The following TBC1D32 variants were observed in gnomAD, a reference collection of about 807,000 sequenced individuals.
TBC1D32 encodes the protein protein broad-minded.
In TBC1D32, 151 loss-of-function variants were observed where a neutral mutation model predicts 170.3. The observed-to-expected ratio is 0.89, with a 90% CI of 0.78 to 1.01. The LOEUF is 1.01. TBC1D32 is among the 50% of genes least tolerant of loss of function. The pLI is 0.00. For missense variants in TBC1D32, 1,464 were observed against 1,457.1 expected, an observed-to-expected ratio of 1.00 and a Z score of -0.08; for synonymous variants, 498 against 488.0, an observed-to-expected ratio of 1.02 and a Z score of -0.27.
chr6:121,205,045 T>A (rs1792059283), intron 22 of TBC1D32, 30 bp downstream of exon 22: 1 of 1,270,508 alleles, frequency 7.9e-7, no homozygotes, highest in South Asian at 1.4e-5. Flanking sequence ...ACATAAAATA[T>A]AATATCAAAA....
intron 21 of TBC1D32, among the ~76,000 whole-genome samples, chr6:121,222,328 C>T (rs1045971340): frequency 2.0e-5 from 3 of 151,876 alleles, no homozygotes; most frequent in South Asian, 2.1e-4. Context: ...GAACTGAACC[C>T]GCAATAATTC....
intron 22 of TBC1D32, among the ~76,000 whole-genome samples, chr6:121,202,062 T>C (rs1292192325): frequency 4.0e-5 from 6 of 151,210 alleles, no homozygotes; most frequent in Middle Eastern, 3.4e-3. Flanking sequence ...TAAATTGAGA[T>C]GTCAGAAGGC....
At chr6:121,323,228 T>G (rs1809992789) in intron 1 of TBC1D32, among the ~76,000 whole-genome samples, 1 of 152,162 alleles carries the variant, frequency 6.6e-6, no homozygotes, top group Non-Finnish European at 1.5e-5. Flanking sequence ...CTGCCTCCCT[T>G]TTTTCTCTAT....
At chr6:121,198,260 AATAT>A (rs1186060080) in intron 22 of TBC1D32, among the ~76,000 whole-genome samples, 1 of 139,704 alleles carries the variant, frequency 7.2e-6, no homozygotes. Context: ...ATATATATAT[AATAT>A]ATATATATAA....
rs372774462 is a variant in TBC1D32, at chr6:121,292,205, A to C, written c.1232-12T>G. 1.9e-6 allele frequency: 3 copies of C among 1,575,036 alleles called. No individual in the cohort carries two copies. The highest frequency in any genetic ancestry group is 2.6e-6 in the Non-Finnish European group (3 of 1,157,750). ...TTTCTGCTTGTTTCCTTAAAAGAGAAGCAAACACGAATATTTATTTAGTAT... is the reference window on the plus strand; with the variant it reads ...TTTCTGCTTGTTTCCTTAAAAGAGACGCAAACACGAATATTTATTTAGTAT... On this transcript the variant is annotated splice_polypyrimidine_tract_variant and intron_variant, in intron 11 of 31. Coordinates refer to ENST00000398212, the MANE Select transcript of TBC1D32 (RefSeq NM_152730.6).
In TBC1D32 at chr6:121,235,564, T is replaced by C. The variant is rs191260019; in HGVS notation, c.2364+3506A>G. ...AGTCACCAGCCTCACCATGCTCTCA[T>C]GCAGCTGACAGTCCTAAATGCCGGT... is the stretch of plus-strand genomic sequence containing the variant. On this transcript the variant is annotated intron_variant, in intron 20 of 31. Transcript: ENST00000398212. Among the ~76,000 whole-genome samples, 161 of 152,272 alleles carry C rather than the reference T, an allele frequency of 1.1e-3. 1 individual carries two copies. Among genetic ancestry groups the C allele is most frequent in the Non-Finnish European group, 6.9e-4 (47 of 68,012 alleles).
chr6:121,180,386 A>G (rs1283787629), intron 22 of TBC1D32, among the ~76,000 whole-genome samples: 4 of 152,150 alleles, frequency 2.6e-5, no homozygotes, highest in Non-Finnish European at 5.9e-5. Context: ...ATTAAAATAT[A>G]TTGTTTAGTC....
At chr6:121,122,006 T>A (rs1780317796) in intron 26 of TBC1D32, among the ~76,000 whole-genome samples, 1 of 152,010 alleles carries the variant, frequency 6.6e-6, no homozygotes, top group South Asian at 2.1e-4. Context: ...CCAACAAGTA[T>A]CTCAAACAAC....
At chr6:121,304,094 T>A (rs1806941269) in intron 8 of TBC1D32, among the ~76,000 whole-genome samples, 1 of 134,194 alleles carries the variant, frequency 7.5e-6, no homozygotes, top group African/African-American at 2.8e-5. Flanking sequence ...ACGCAGACCT[T>A]CAAATCACTG....
At chr6:121,127,407 T>C (rs940723368) in intron 25 of TBC1D32, among the ~76,000 whole-genome samples, 10 of 152,180 alleles carry the variant, frequency 6.6e-5, no homozygotes, top group Non-Finnish European at 1.2e-4. Context: ...ATTTTATTCA[T>C]TGAACTCTAT....
At chr6:121,093,796 G>A (rs766756372) in intron 30 of TBC1D32, among the ~76,000 whole-genome samples, 8 of 151,980 alleles carry the variant, frequency 5.3e-5, no homozygotes, top group Non-Finnish European at 1.0e-4. Flanking sequence ...CACATGGGAG[G>A]GAAATTTCGA....
chr6:121,120,152 A>C (rs981882750), intron 26 of TBC1D32, among the ~76,000 whole-genome samples: 1 of 152,100 alleles, frequency 6.6e-6, no homozygotes, highest in African/African-American at 2.4e-5. Flanking sequence ...ACAATCAATC[A>C]ACAGAAAGTC....
chr6:121,126,598 G>A (rs930965658), intron 25 of TBC1D32, 137 bp from the exon 26 acceptor site: 16 of 554,312 alleles, frequency 2.9e-5, no homozygotes, highest in East Asian at 1.8e-4. Context: ...ATTCAAATGC[G>A]TACTGTTTTA....
At chr6:121,102,741 G>C (rs1293140845) in intron 30 of TBC1D32, among the ~76,000 whole-genome samples, 5 of 152,066 alleles carry the variant, frequency 3.3e-5, no homozygotes. Context: ...TGACAAATGG[G>C]ATCTAATTAA....
At chr6:121,091,128 A>C (rs1318731578) in intron 30 of TBC1D32, 87 bp from the exon 31 acceptor site, 2 of 1,068,726 alleles carry the variant, frequency 1.9e-6, no homozygotes, top group Admixed American at 4.8e-5. Flanking sequence ...AACTCATACA[A>C]AACCAGTGAA....
intron 24 of TBC1D32, among the ~76,000 whole-genome samples, chr6:121,142,057 T>C (rs1273740): frequency 0.18 from 28,112 of 152,182 alleles, 3,493 homozygotes; most frequent in African/African-American, 0.33. Flanking sequence ...TACCGACAAA[T>C]TGTGTTTGCT....
At chr6:121,233,888 T>C (rs572201416) in intron 20 of TBC1D32, among the ~76,000 whole-genome samples, 2 of 152,178 alleles carry the variant, frequency 1.3e-5, no homozygotes, top group Non-Finnish European at 2.9e-5. Context: ...CTTTTAGCAG[T>C]TCTTATAGTG....
At chr6:121,131,323 A>G (rs1401997096) in intron 25 of TBC1D32, among the ~76,000 whole-genome samples, 1 of 151,930 alleles carries the variant, frequency 6.6e-6, no homozygotes, top group Non-Finnish European at 1.5e-5. Flanking sequence ...TCTAAAAAAT[A>G]TAACAATATG....
intron 15 of TBC1D32, among the ~76,000 whole-genome samples, 187 bp from the exon 16 acceptor site, chr6:121,256,472 G>GA (rs946720204): frequency 2.0e-5 from 3 of 151,714 alleles, no homozygotes; most frequent in Non-Finnish European, 2.9e-5. Context: ...GGGATGGAAG[G>GA]AAAAAAATAC....
Sources: allele counts gnomAD v4.1 joint callset (sites outside exome capture counted in the v4.1 genomes callset), GRCh38; gene constraint gnomAD v4.1.1; transcripts MANE v1.5; gene names NCBI Gene and HGNC (gene_info 2026-07-23, HGNC 2026-07-21).